Variants in APC observed in about 807,000 individuals in gnomAD.
APC encodes the protein APC regulator of Wnt signaling pathway, also known as adenomatous polyposis coli protein.
A neutral mutation model predicts 247.0 loss-of-function variants in APC; 72 were observed. That is an observed-to-expected ratio of 0.29 (90% CI 0.24 to 0.35). The LOEUF is 0.35. Among genes scored for constraint, APC ranks in the 10% least tolerant of loss-of-function variants. The probability of loss-of-function intolerance (pLI) is 1.00; values close to 1 mark genes in which losing one functional copy is unlikely to be tolerated. For synonymous variants in APC, 1,254 were observed against 1,162.5 expected, an observed-to-expected ratio of 1.08 and a Z score of -1.60; for missense variants, 3,400 against 3,360.7, an observed-to-expected ratio of 1.01 and a Z score of -0.29.
At chr5:112,774,176 T>C (rs961416148) in intron 4 of APC, among the ~76,000 whole-genome samples, 2 of 152,186 alleles carry the variant, frequency 1.3e-5, no homozygotes, top group Non-Finnish European at 2.9e-5. Flanking sequence ...AGTGTATCCC[T>C]ACATAGATTT....
chr5:112,712,699 C>T lies in APC; in HGVS notation c.165+4817C>T, dbSNP rs773212191. Among the ~76,000 whole-genome samples the T allele has an allele frequency of 8.5e-5, 13 of 152,112 alleles. 1 individual carries two copies. The East Asian group carries it at 1.2e-3, about 14-fold the overall frequency. ...GCCACTGCACCCAGCAGCATGTGCG[C>T]GTTTGTATTCCTCTTCCCCCGATTT... On this transcript the variant is annotated intron_variant, in intron 1 of 13. Transcript: ENST00000507379.
chr5:112,757,881 T>C (rs1478461793), intron 2 of APC, among the ~76,000 whole-genome samples: 1 of 152,220 alleles, frequency 6.6e-6, no homozygotes, highest in South Asian at 2.1e-4. Flanking sequence ...GAACACTGTA[T>C]ATTAAGGAAA....
intron 14 of APC, among the ~76,000 whole-genome samples, chr5:112,830,412 T>G (rs1417265009): frequency 6.6e-6 from 1 of 152,210 alleles, no homozygotes; most frequent in Non-Finnish European, 1.5e-5. Context: ...CCATGCATTT[T>G]CAAGGATGTT....
intron 8 of APC, among the ~76,000 whole-genome samples, chr5:112,807,321 T>G (rs550119653): frequency 6.6e-6 from 1 of 152,262 alleles, no homozygotes; most frequent in South Asian, 2.1e-4. Context: ...AATTTGTTAT[T>G]TGGGGAATTT....
intron 1 of APC, among the ~76,000 whole-genome samples, chr5:112,750,182 T>C (rs1561437732): frequency 6.6e-6 from 1 of 151,654 alleles, no homozygotes; most frequent in Non-Finnish European, 1.5e-5. Flanking sequence ...AGACTGGTCT[T>C]GAACTCCTGA....
At chr5:112,758,058 A>G (rs1746565296) in intron 2 of APC, among the ~76,000 whole-genome samples, 1 of 152,226 alleles carries the variant, frequency 6.6e-6, no homozygotes, top group Admixed American at 6.5e-5. Flanking sequence ...ATATGGGTGT[A>G]GATGAGATAA....
chr5:112,834,725 ATTAG>A (rs1374958065), intron 14 of APC, among the ~76,000 whole-genome samples: 4 of 152,322 alleles, frequency 2.6e-5, no homozygotes, highest in Non-Finnish European at 2.9e-5. Context: ...TATAAAAGTC[ATTAG>A]TTAAATATTG....
chr5:112,821,512 T>TG lies in APC; in HGVS notation c.1313-384_1313-383insG, dbSNP rs575076722. On this transcript the variant is annotated intron_variant, in intron 10 of 15. Transcript: ENST00000257430. ...GAGCAAGACCCTGTTTTGTTTTTTT[T>TG]TTGTTGTTTTTTTAAAGAAAGAAAG... Among the ~76,000 whole-genome samples, 362 of 152,032 alleles carry TG rather than the reference T, an allele frequency of 2.4e-3. 2 individuals carry two copies. The highest frequency in any genetic ancestry group is 8.3e-3 in the African/African-American group (344 of 41,468).
chr5:112,748,367 A>G (rs1195517588), intron 1 of APC, among the ~76,000 whole-genome samples: 1 of 152,142 alleles, frequency 6.6e-6, no homozygotes, highest in African/African-American at 2.4e-5. Context: ...ACTTTTTGGT[A>G]TATTATTGAT....
At chr5:112,710,121 A>C (rs1750765294) in intron 1 of APC, among the ~76,000 whole-genome samples, 1 of 152,126 alleles carries the variant, frequency 6.6e-6, no homozygotes, top group Non-Finnish European at 1.5e-5. Context: ...CACTTTCTGT[A>C]GACTTACCTT....
intron 2 of APC, among the ~76,000 whole-genome samples, chr5:112,764,599 C>G (rs1756058315): frequency 6.6e-6 from 1 of 152,170 alleles, no homozygotes; most frequent in African/African-American, 2.4e-5. Context: ...ACCTGTCATA[C>G]AGATGTAAAG....
chr5:112,734,819 CT>C (rs1752289282), upstream of APC, among the ~76,000 whole-genome samples: 4 of 142,464 alleles, frequency 2.8e-5, no homozygotes, highest in Admixed American at 2.2e-4. Context: ...GAGATAGAGT[CT>C]TGCTTTGTCA....
chr5:112,763,397 G>A (rs753941557), intron 2 of APC, among the ~76,000 whole-genome samples: 33 of 151,072 alleles, frequency 2.2e-4, no homozygotes, highest in African/African-American at 7.8e-4. Flanking sequence ...GTCATCTTAC[G>A]TCAGATTATG....
chr5:112,727,944 T>G (rs1751883245), intron 1 of APC, among the ~76,000 whole-genome samples: 1 of 147,688 alleles, frequency 6.8e-6, no homozygotes, highest in South Asian at 2.1e-4. Flanking sequence ...TTTAAACATT[T>G]AACTTAAAAA....
At chr5:112,810,892 G>T (rs1053272814) in intron 8 of APC, among the ~76,000 whole-genome samples, 2 of 152,106 alleles carry the variant, frequency 1.3e-5, no homozygotes, top group African/African-American at 4.8e-5. Flanking sequence ...AGGAGTGGTG[G>T]CACATGCCTG....
Position 112,844,225 on chromosome 5 carries a change from TA to T in APC, c.*102del. ...AACTTTAAAAGACTGAAAAATTTTG[TA>T]AATAGGTTTGATTCTTGTTAGAGGG... On this transcript the variant is annotated 3_prime_UTR_variant, in exon 16 of 16. Coordinates refer to ENST00000257430, the MANE Select transcript of APC (RefSeq NM_000038.6). 8.6e-7 allele frequency: 1 copy of T among 1,163,392 alleles called. No individual in the cohort carries two copies. Among genetic ancestry groups the T allele is most frequent in the Admixed American group, 2.3e-5 (1 of 42,954 alleles). 72.1% of individuals were successfully genotyped at this position (1,163,392 alleles called of 1,614,324 possible).
chr5:112,719,182 A>G (rs1751343810), intron 1 of APC, among the ~76,000 whole-genome samples: 1 of 152,044 alleles, frequency 6.6e-6, no homozygotes, highest in African/African-American at 2.4e-5. Context: ...TTTTTGTTGG[A>G]AGTAGGTTCA....
At position 112,797,251 on chromosome 5, in the gene APC, A is replaced by G. The variant is rs76804542; in HGVS notation, c.730-4028A>G. The stretch of plus-strand genomic sequence containing the variant: ...TGCCATTTCACATTTAAGAAAGAAC[A>G]AAACCACTTTTTACAATTTTGCCGT... On this transcript the variant is annotated intron_variant, in intron 7 of 15. Coordinates refer to ENST00000257430, the MANE Select transcript of APC (RefSeq NM_000038.6). Among the ~76,000 whole-genome samples, 2,334 of 151,690 alleles carry G rather than the reference A, an allele frequency of 0.015. 46 individuals carry two copies. The highest frequency in any genetic ancestry group is 0.08 in the East Asian group (417 of 5,188).
chr5:112,843,744 G>C lies in APC; in HGVS notation c.8150G>C (p.Gly2717Ala), dbSNP rs876658201. Reference protein sequence around the residue: ...GNGSVPMRTVGLENRLNSFIQ... With the variant: ...GNGSVPMRTVALENRLNSFIQ... ...GGCAGTGTTCCCATGCGTACCGTGG[G>C]TTTGGAAAATCGCCTGAACTCCTTT... Residue 2717 changes from glycine (G) to alanine (A), a missense_variant, in exon 16 of 16, where the codon GGT becomes GCT. Transcript: ENST00000257430. This position sits in a 1 kb window ranked among gnomAD's most constrained non-coding sequence, Gnocchi z 4.8. The C allele has an allele frequency of 6.2e-7, 1 of 1,614,086 alleles. No individual in the cohort carries two copies.
Sources: gnomAD v4.1 joint callset for allele counts (sites outside exome capture counted in the v4.1 genomes callset) on GRCh38, gnomAD v4.1.1 for gene constraint, Gnocchi (gnomAD v3.1) non-coding constraint, MANE v1.5 for transcripts, NCBI Gene and HGNC (gene_info 2026-07-23, HGNC 2026-07-21) for gene names.